Variants in VPS41 observed in about 807,000 individuals in gnomAD.
The protein encoded by VPS41 is VPS41 subunit of HOPS complex.
In VPS41, 85 loss-of-function variants were observed where a neutral mutation model predicts 130.9. The ratio of observed to expected loss-of-function variants is 0.65; its 90% CI spans 0.55 to 0.78. VPS41 has a LOEUF of 0.78. Among genes scored for constraint, VPS41 ranks in the 30% least tolerant of loss-of-function variants. The pLI, the probability that VPS41 is intolerant of heterozygous loss-of-function variation, is 0.00. For synonymous variants in VPS41, 335 were observed against 332.9 expected (o/e 1.01, Z -0.07); for missense variants, 874 against 1,018.7 (o/e 0.86, Z 1.93).
intron 10 of VPS41, 124 bp from the exon 11 acceptor site, chr7:38,776,900 C>A: frequency 1.9e-6 from 1 of 524,476 alleles, no homozygotes; most frequent in Non-Finnish European, 3.5e-6. Context: ...AAGGGGACAC[C>A]GTTGAACATA....
intron 21 of VPS41, among the ~76,000 whole-genome samples, chr7:38,753,768 C>T (rs1382344962): frequency 2.6e-5 from 4 of 152,120 alleles, no homozygotes; most frequent in African/African-American, 4.8e-5. Context: ...AGCAGATAAT[C>T]TTGAGATTTC....
chr7:38,791,074 A>C (rs1014769217), intron 9 of VPS41, among the ~76,000 whole-genome samples: 2 of 152,190 alleles, frequency 1.3e-5, no homozygotes, highest in Non-Finnish European at 2.9e-5. Flanking sequence ...GCTTGAACCC[A>C]TGGCTGCAGA....
intron 25 of VPS41, among the ~76,000 whole-genome samples, chr7:38,739,486 T>G (rs1358828079): frequency 2.0e-5 from 3 of 152,250 alleles, no homozygotes; most frequent in Non-Finnish European, 4.4e-5. Context: ...CAGTGAACCC[T>G]AATAGGTTGC....
In VPS41 at chr7:38,815,896, T is replaced by C. The variant is rs1192720298; in HGVS notation, c.450+1921A>G. ...TATTGCGGGACCTCATTTTGTGATC[T>C]TGTGAGTTAATACTCCCCAATAAAC... On this transcript the variant is annotated intron_variant, in intron 7 of 28. Transcript: ENST00000310301. 2.0e-5 allele frequency among the ~76,000 whole-genome samples: 3 copies of C among 150,592 alleles called. No individual in the cohort carries two copies. In the East Asian group the frequency reaches 5.9e-4, roughly 30 times the overall value.
At chr7:38,738,213 C>T (rs1319389407) in intron 25 of VPS41, among the ~76,000 whole-genome samples, 2 of 152,126 alleles carry the variant, frequency 1.3e-5, no homozygotes, top group Non-Finnish European at 2.9e-5. Flanking sequence ...AAAACTAAGA[C>T]CCCACTCTAA....
At chr7:38,871,880 C>T (rs1468795240) in intron 2 of VPS41, among the ~76,000 whole-genome samples, 1 of 152,212 alleles carries the variant, frequency 6.6e-6, no homozygotes, top group East Asian at 1.9e-4. Context: ...AGGCTGGACT[C>T]AAACTCATAG....
At chr7:38,789,938 T>TG (rs1286419243) in intron 9 of VPS41, 71 bp from the exon 10 acceptor site, 9 of 1,514,768 alleles carry the variant, frequency 5.9e-6, no homozygotes, top group Non-Finnish European at 6.4e-6. Context: ...ATTCAGTATA[T>TG]GGTATCTTTG....
At chr7:38,810,598 G>A (rs1370940378) in intron 7 of VPS41, among the ~76,000 whole-genome samples, 1 of 152,090 alleles carries the variant, frequency 6.6e-6, no homozygotes, top group Non-Finnish European at 1.5e-5. Context: ...GTTTGTAGAA[G>A]GTGGCATATA....
intron 10 of VPS41, among the ~76,000 whole-genome samples, chr7:38,786,709 C>G (rs1784444825): frequency 6.6e-6 from 1 of 152,078 alleles, no homozygotes; most frequent in Non-Finnish European, 1.5e-5. Context: ...CTATCTATAA[C>G]AGAACAGAAA....
rs540027953 is a variant in VPS41, at chr7:38,765,661, G to T, written c.1248C>A (p.Arg416=). The T allele has an allele frequency of 1.9e-6, 3 of 1,590,590 alleles. No homozygotes were observed. In the Admixed American group the frequency reaches 5.4e-5, roughly 29 times the overall value. The change falls in exon 16 of 29, where the codon CGC becomes CGA. Residue 416 remains arginine, a splice_region_variant and synonymous_variant. Coordinates refer to ENST00000310301, the MANE Select transcript of VPS41 (RefSeq NM_014396.4). ...TTTTCCCAAGAATTTTCTGGCATTT[G>T]CTGGCAGTAAAAACATCCCAGGCAG... is the stretch of plus-strand genomic sequence containing the variant. The part of the protein sequence containing the change: ...VERGDYDIAA[R]KCQKILGKNA...
intron 2 of VPS41, among the ~76,000 whole-genome samples, chr7:38,893,902 G>A (rs34354118): frequency 0.039 from 5,918 of 152,194 alleles, 148 homozygotes; most frequent in South Asian, 0.058. Context: ...GTTTTTGGTA[G>A]ACAATATTCT....
intron 2 of VPS41, among the ~76,000 whole-genome samples, chr7:38,882,579 T>C (rs1393642864): frequency 6.6e-6 from 1 of 152,130 alleles, no homozygotes; most frequent in Non-Finnish European, 1.5e-5. Flanking sequence ...AATTGACATC[T>C]CCAACTTAAA....
chr7:38,883,417 C>T (rs1280309050), intron 2 of VPS41, among the ~76,000 whole-genome samples: 1 of 152,126 alleles, frequency 6.6e-6, no homozygotes, highest in African/African-American at 2.4e-5. Flanking sequence ...TTTGCTCTTC[C>T]TTTTACCTAT....
intron 7 of VPS41, among the ~76,000 whole-genome samples, chr7:38,802,344 C>T (rs1016637440): frequency 2.0e-5 from 3 of 152,120 alleles, no homozygotes; most frequent in African/African-American, 4.8e-5. Context: ...CTGGCCCCGT[C>T]GAACATTTAT....
intron 3 of VPS41, among the ~76,000 whole-genome samples, chr7:38,867,067 C>CA (rs1211076586): frequency 6.6e-6 from 1 of 152,118 alleles, no homozygotes; most frequent in Non-Finnish European, 1.5e-5. Flanking sequence ...CACAAGAGAT[C>CA]AAATAATGTT....
chr7:38,817,253 T>C (rs1181572616), intron 7 of VPS41, among the ~76,000 whole-genome samples: 2 of 152,228 alleles, frequency 1.3e-5, no homozygotes, highest in African/African-American at 2.4e-5. Context: ...GGGCAATGTT[T>C]CAAAGCTCTA....
intron 4 of VPS41, among the ~76,000 whole-genome samples, chr7:38,843,778 A>G (rs763890964): frequency 2.0e-5 from 3 of 152,216 alleles, no homozygotes; most frequent in Non-Finnish European, 2.9e-5. Flanking sequence ...TTCTACAGAT[A>G]AGAAAATAAC....
intron 10 of VPS41, among the ~76,000 whole-genome samples, chr7:38,780,975 G>A (rs368298326): frequency 1.4e-4 from 21 of 151,996 alleles, no homozygotes; most frequent in African/African-American, 3.6e-4. Context: ...CTCCCACTTC[G>A]TCTTCCACCA....
intron 25 of VPS41, among the ~76,000 whole-genome samples, chr7:38,738,556 A>G (rs906940179): frequency 1.3e-5 from 2 of 152,254 alleles, no homozygotes; most frequent in African/African-American, 4.8e-5. Context: ...TACATGCTAA[A>G]TTTATAATGT....
Sources: gnomAD v4.1 joint callset for allele counts (sites outside exome capture counted in the v4.1 genomes callset) on GRCh38, gnomAD v4.1.1 for gene constraint, MANE v1.5 for transcripts, NCBI Gene and HGNC (gene_info 2026-07-23, HGNC 2026-07-21) for gene names.